The following FUBP3 variants were observed in gnomAD, a reference collection of about 807,000 sequenced individuals.
FUBP3 encodes far upstream element binding protein 3.
FUBP3 carries 28 observed loss-of-function variants against 85.6 expected under a neutral mutation model. That is an observed-to-expected ratio of 0.33 (90% CI 0.24 to 0.45). FUBP3 has a LOEUF of 0.45. Ranked by LOEUF, FUBP3 falls within the 20% of genes least tolerant of loss-of-function variation. FUBP3 has a pLI of 1.00. For missense variants in FUBP3, 583 were observed against 755.1 expected (o/e 0.77, Z 2.67); for synonymous variants, 271 against 271.4 (o/e 1.00, Z 0.01).
In FUBP3 at chr9:130,579,630, G is replaced by GCGGCGT; in HGVS notation, c.-46_-45insTCGGCG. ...GCGGGAGGCCGGACCGGGGAGCCGA[G>GCGGCGT]CGGCGGCGTCGGCGGCGTCGGCGGC... On this transcript the variant is annotated 5_prime_UTR_variant, in exon 1 of 19. Transcript: ENST00000319725. 8.9e-7 allele frequency: 1 copy of GCGGCGT among 1,121,118 alleles called. No homozygotes were observed. Among genetic ancestry groups the GCGGCGT allele is most frequent in the Non-Finnish European group, 1.1e-6 (1 of 886,142 alleles). The allele number at this position is 1,121,118 out of a possible 1,614,324, so 69.4% of individuals were successfully genotyped here. A position where few individuals can be genotyped will look rare whatever the true frequency, so the allele number is the denominator to read the frequency against.
rs372811310 is a variant in FUBP3 at position 130,636,111 on chromosome 9, G to A, written c.1695G>A (p.Ala565=). 3.8e-5 allele frequency: 61 copies of A among 1,613,140 alleles called. No homozygotes were observed. Among genetic ancestry groups the A allele is most frequent in the East Asian group, 2.4e-4 (11 of 44,904 alleles). ...VAFYGQTLGQ[A]QAHSQEQ is the part of the protein sequence containing the mutation. Reference sequence around the variant, plus strand: ...TCTACGGACAGACGTTAGGGCAGGCGCAGGCCCACAGCCAGGTCTGTAGCT... The same window carrying A: ...TCTACGGACAGACGTTAGGGCAGGCACAGGCCCACAGCCAGGTCTGTAGCT... The change falls in exon 18 of 19, where the codon GCG becomes GCA. Residue 565 remains alanine (A), a synonymous_variant. Transcript: ENST00000319725.
In FUBP3 at chr9:130,612,183, A is replaced by C. The variant is rs1389805904; in HGVS notation, c.225-273A>C. Among the ~76,000 whole-genome samples the C allele has an allele frequency of 2.0e-5, 3 of 152,194 alleles. No homozygotes were observed. The highest frequency in any genetic ancestry group is 4.4e-5 in the Non-Finnish European group (3 of 68,028). On this transcript the variant is annotated intron_variant, in intron 3 of 18. Transcript: ENST00000319725. The surrounding 1 kb of genome is among the most constrained non-coding windows in gnomAD (Gnocchi z 4.1). The stretch of plus-strand genomic sequence containing the variant: ...GAGAGGTGCTGTATGAAGAAAAGGC[A>C]GCTGTTAGAGGAGGTGATGGTTTCA...
rs772941000 is a variant in FUBP3 at position 130,599,381 on chromosome 9, GTGTATA to G, written c.190+3795_190+3800del. Reference sequence around the variant, plus strand: ...TATATGTGTGTGTGTGTGTGTGTGTGTGTATATATATATATATGTAAAGTTTTTTTT... The same window carrying G: ...TATATGTGTGTGTGTGTGTGTGTGTGTATATATATATGTAAAGTTTTTTTT... On this transcript the variant is annotated intron_variant, in intron 2 of 18. Coordinates refer to ENST00000319725, the MANE Select transcript of FUBP3 (RefSeq NM_003934.2). Among the ~76,000 whole-genome samples the G allele has an allele frequency of 2.8e-3, 369 of 134,090 alleles. 2 individuals are homozygous for G. The highest frequency in any genetic ancestry group is 0.01 in the African/African-American group (347 of 34,132). 88.0% of individuals were successfully genotyped at this position (134,090 alleles called of 152,430 possible).
At chr9:130,590,055 T>G (rs1830557716) in intron 1 of FUBP3, among the ~76,000 whole-genome samples, 1 of 129,028 alleles carries the variant, frequency 7.8e-6, no homozygotes, top group Admixed American at 8.3e-5. Flanking sequence ...TTTTTTTGCC[T>G]GTGACATACC....
intron 10 of FUBP3, among the ~76,000 whole-genome samples, chr9:130,623,068 T>C: frequency 6.6e-6 from 1 of 152,256 alleles, no homozygotes; most frequent in African/African-American, 2.4e-5. Flanking sequence ...AGTATATGCA[T>C]AGTATGTCAT....
At position 130,601,244 on chromosome 9, in the gene FUBP3, C is replaced by T. The variant is rs116895599; in HGVS notation, c.190+5656C>T. Among the ~76,000 whole-genome samples the T allele has an allele frequency of 1.7e-4, 26 of 152,274 alleles. No individual in the cohort carries two copies. In the East Asian group the frequency reaches 3.9e-3, roughly 23 times the overall value. On this transcript the variant is annotated intron_variant, in intron 2 of 18. Transcript: ENST00000319725. ...CCCCAGTTTCTTTAAACAAGTCTCC[C>T]GTCTCATGGTTCACTGTCCAACTGC...
chr9:130,633,133 C>G (rs1202400572), intron 16 of FUBP3, among the ~76,000 whole-genome samples: 5 of 152,256 alleles, frequency 3.3e-5, no homozygotes, highest in African/African-American at 1.2e-4. Flanking sequence ...TAGGCACGCC[C>G]TGCCTTCTCT....
chr9:130,581,054 C>G (rs1830112932), intron 1 of FUBP3: 1 of 152,264 alleles, frequency 6.6e-6, no homozygotes, highest in Admixed American at 6.5e-5. Context: ...TTGTTTCTCA[C>G]TGGCTACTAA....
Position 130,612,895 on chromosome 9 carries a change from T to A in FUBP3, c.275-61T>A, listed in dbSNP as rs17453184. The A allele has an allele frequency of 0.08, 89,492 of 1,118,770 alleles. 4,049 individuals carry two copies. Among genetic ancestry groups the A allele is most frequent in the Non-Finnish European group, 0.095 (69,619 of 731,796 alleles). 69.3% of individuals were successfully genotyped at this position (1,118,770 alleles called of 1,614,324 possible). On this transcript the variant is annotated intron_variant, in intron 4 of 18. Transcript: ENST00000319725. This position sits in a 1 kb window ranked among gnomAD's most constrained non-coding sequence, Gnocchi z 4.1. ...ACAGTTTGTGGAATTAATTCAGTCATTCCTGCGTGGTGAAATATGGAATAG... is the reference window on the plus strand; with the variant it reads ...ACAGTTTGTGGAATTAATTCAGTCAATCCTGCGTGGTGAAATATGGAATAG...
intron 2 of FUBP3, among the ~76,000 whole-genome samples, chr9:130,600,128 T>TCCC (rs1831083908): frequency 1.5e-5 from 1 of 68,400 alleles, no homozygotes; most frequent in African/African-American, 1.2e-4. Context: ...TCCCTCCCTC[T>TCCC]TTCCCCCTCT....
At chr9:130,585,746 C>G (rs1314113429) in intron 1 of FUBP3, among the ~76,000 whole-genome samples, 1 of 152,216 alleles carries the variant, frequency 6.6e-6, no homozygotes, top group African/African-American at 2.4e-5. Context: ...CATCAAACGT[C>G]AGGAAATGTG....
chr9:130,614,213 G>T (rs1831888761), intron 5 of FUBP3, 75 bp from the exon 6 acceptor site: 4 of 903,290 alleles, frequency 4.4e-6, no homozygotes, highest in African/African-American at 3.3e-5. Context: ...AGCAGCCCTA[G>T]AGAGCCTTAC....
At chr9:130,613,101 T>C in intron 5 of FUBP3, 74 bp downstream of exon 5, 1 of 888,340 alleles carries the variant, frequency 1.1e-6, no homozygotes, top group Non-Finnish European at 1.9e-6. Context: ...ATTCGGTACT[T>C]TGCTTGTTGC....
intron 2 of FUBP3, among the ~76,000 whole-genome samples, chr9:130,599,031 G>A (rs1444194581): frequency 6.6e-6 from 1 of 152,098 alleles, no homozygotes; most frequent in African/African-American, 2.4e-5. Flanking sequence ...TGTGGCTCAC[G>A]CCTGTAATCC....
At chr9:130,623,575 CT>C in intron 10 of FUBP3, 35 bp from the exon 11 acceptor site, 1 of 1,367,124 alleles carries the variant, frequency 7.3e-7, no homozygotes. Flanking sequence ...TAACGTTGGG[CT>C]TTTTTCTAAT....
intron 16 of FUBP3, 71 bp from the exon 17 acceptor site, chr9:130,634,596 G>A: frequency 7.9e-7 from 1 of 1,262,776 alleles, no homozygotes; most frequent in South Asian, 1.3e-5. Flanking sequence ...GGCAGGGCCT[G>A]CAGCTGGCGG....
In FUBP3 at chr9:130,620,444, G is replaced by A; in HGVS notation, c.757G>A (p.Gly253Arg). 1 of 1,582,824 alleles carries A rather than the reference G, an allele frequency of 6.3e-7. No homozygotes were observed. The highest frequency in any genetic ancestry group is 8.7e-7 in the Non-Finnish European group (1 of 1,155,014). Residue 253 changes from glycine (G) to arginine (R), a missense_variant, in exon 9 of 19, where the codon GGA (glycine) becomes AGA (arginine). This residue lies in a region of FUBP3 where 404 missense variants were observed against 516.8 expected (regional missense o/e 0.78). Transcript: ENST00000319725. ...CGGCGATTTCAACTCTCGAATGGGAGGAGGCAGTATAGAGGTATGCTTAAA... is the reference window on the plus strand; with the variant it reads ...CGGCGATTTCAACTCTCGAATGGGAAGAGGCAGTATAGAGGTATGCTTAAA... ...VRGDFNSRMG[G>R]GSIEVSVPRF...
Position 130,637,200 on chromosome 9 carries a change from T to G in FUBP3, c.*178T>G, listed in dbSNP as rs1380929828. Reference sequence around the variant, plus strand: ...ATCAGGAAAATTAGTTACTAAAAATTGCTGATCATTTTTGTTTCATTATTT... The same window carrying G: ...ATCAGGAAAATTAGTTACTAAAAATGGCTGATCATTTTTGTTTCATTATTT... On this transcript the variant is annotated 3_prime_UTR_variant, in exon 19 of 19. Transcript: ENST00000319725. The G allele has an allele frequency of 1.6e-6, 1 of 616,428 alleles. No homozygotes were observed. The highest frequency in any genetic ancestry group is 1.9e-5 in the South Asian group (1 of 51,420). 38.2% of individuals were successfully genotyped at this position (616,428 alleles called of 1,614,324 possible). A position where few individuals can be genotyped will look rare whatever the true frequency, so the allele number is the denominator to read the frequency against.
chr9:130,589,663 A>ATGTGTG (rs1457578376), intron 1 of FUBP3, among the ~76,000 whole-genome samples: 4 of 73,586 alleles, frequency 5.4e-5, no homozygotes, highest in Middle Eastern at 5.6e-3. Flanking sequence ...TTAAATATGT[A>ATGTGTG]TGTATGTGTG....
Sources: allele counts gnomAD v4.1 joint callset (sites outside exome capture counted in the v4.1 genomes callset), GRCh38; gene constraint gnomAD v4.1.1; regional missense constraint gnomAD v4.1.1; non-coding constraint Gnocchi (gnomAD v3.1); transcripts MANE v1.5; gene names NCBI Gene and HGNC (gene_info 2026-07-23, HGNC 2026-07-21).